The following GAS2 variants were observed in gnomAD, a reference collection of about 807,000 sequenced individuals.
GAS2 encodes the protein growth arrest specific 2, also known as growth arrest-specific protein 2.
A neutral mutation model predicts 37.5 loss-of-function variants in GAS2; 20 were observed. That is an observed-to-expected ratio of 0.53 (90% CI 0.37 to 0.77). The LOEUF (loss-of-function observed/expected upper bound fraction) is 0.77. Among genes scored for constraint, GAS2 ranks in the 30% least tolerant of loss-of-function variants. The pLI, the probability that GAS2 is intolerant of heterozygous loss-of-function variation, is 0.00. For missense variants in GAS2, 336 were observed against 373.4 expected (o/e 0.90, Z 0.82); for synonymous variants, 144 against 132.2 (o/e 1.09, Z -0.61).
chr11:22,662,507 T>C (rs1274339367), upstream of GAS2, among the ~76,000 whole-genome samples: 1 of 152,186 alleles, frequency 6.6e-6, no homozygotes, highest in Non-Finnish European at 1.5e-5. Context: ...GCCAGAGATG[T>C]AGTGGTGGAA....
At chr11:22,650,145 A>G (rs1469248896) in intron 1 of GAS2, among the ~76,000 whole-genome samples, 2 of 151,784 alleles carry the variant, frequency 1.3e-5, no homozygotes, top group Non-Finnish European at 2.9e-5. Flanking sequence ...TTCAAAGAAC[A>G]TCTTTATTTC....
intron 7 of GAS2, among the ~76,000 whole-genome samples, chr11:22,764,909 A>G (rs1359663577): frequency 6.6e-6 from 1 of 152,234 alleles, no homozygotes; most frequent in Non-Finnish European, 1.5e-5. Context: ...AGCAAGGTTT[A>G]CCATGGCTTT....
intron 3 of GAS2, among the ~76,000 whole-genome samples, chr11:22,711,967 C>A (rs945878536): frequency 5.3e-5 from 8 of 152,118 alleles, no homozygotes; most frequent in Non-Finnish European, 1.0e-4. Flanking sequence ...AGCTGTGTGA[C>A]CCTGTCCATC....
At chr11:22,720,942 TG>T (rs1243011748) in intron 3 of GAS2, among the ~76,000 whole-genome samples, 1 of 152,032 alleles carries the variant, frequency 6.6e-6, no homozygotes, top group Non-Finnish European at 1.5e-5. Flanking sequence ...GACAAACATT[TG>T]GGAAATAAAT....
At chr11:22,654,922 A>G (rs1017753454) in intron 1 of GAS2, among the ~76,000 whole-genome samples, 46 of 152,212 alleles carry the variant, frequency 3.0e-4, no homozygotes, top group African/African-American at 9.6e-4. Context: ...TTTTCATCAA[A>G]GAAAAAAATA....
Position 22,811,955 on chromosome 11 carries a change from T to G in GAS2, c.881T>G (p.Met294Arg). 6.2e-7 allele frequency: 1 copy of G among 1,614,126 alleles called. No homozygotes were observed. The highest frequency in any genetic ancestry group is 8.5e-7 in the Non-Finnish European group (1 of 1,180,012). ...AGCAAATCTCCAACTCTAAAGGACATGAATCCAGATAACTACTTGGTGGTC... is the reference window on the plus strand; with the variant it reads ...AGCAAATCTCCAACTCTAAAGGACAGGAATCCAGATAACTACTTGGTGGTC... ...IQSKSPTLKD[M>R]NPDNYLVVSA... The change falls in exon 8 of 8, where the codon ATG becomes AGG. Residue 294 changes from methionine to arginine, a missense_variant. Met to Arg is a moderately conservative substitution (Grantham distance 91). Coordinates refer to ENST00000454584, the MANE Select transcript of GAS2 (RefSeq NM_001143830.3).
intron 1 of GAS2, among the ~76,000 whole-genome samples, chr11:22,628,611 G>A (rs570842599): frequency 7.2e-5 from 11 of 152,094 alleles, no homozygotes; most frequent in Non-Finnish European, 1.0e-4. Flanking sequence ...CTTTCTTGTC[G>A]TCTTTTCATT....
chr11:22,788,313 A>C (rs1264677636), intron 7 of GAS2, among the ~76,000 whole-genome samples: 1 of 152,230 alleles, frequency 6.6e-6, no homozygotes, highest in Non-Finnish European at 1.5e-5. Flanking sequence ...GTATGATTTG[A>C]CTTCTTCATA....
intron 3 of GAS2, among the ~76,000 whole-genome samples, chr11:22,689,544 G>A (rs91295): frequency 0.38 from 58,264 of 152,020 alleles, 11,755 homozygotes; most frequent in African/African-American, 0.52. Context: ...AAAGGCCAGA[G>A]GGTTAGTATG....
intron 7 of GAS2, among the ~76,000 whole-genome samples, chr11:22,769,239 T>G (rs1377001227): frequency 6.6e-6 from 1 of 152,112 alleles, no homozygotes; most frequent in Non-Finnish European, 1.5e-5. Context: ...ACCTTATACC[T>G]CCTACTATTC....
At chr11:22,741,550 C>A (rs1853082687) in intron 5 of GAS2, among the ~76,000 whole-genome samples, 1 of 151,538 alleles carries the variant, frequency 6.6e-6, no homozygotes, top group South Asian at 2.1e-4. Flanking sequence ...TTTAGTATTT[C>A]TTTGATTTGG....
intron 3 of GAS2, among the ~76,000 whole-genome samples, chr11:22,708,717 G>A (rs1404858817): frequency 6.6e-6 from 1 of 152,148 alleles, no homozygotes; most frequent in Non-Finnish European, 1.5e-5. Context: ...CTAGGAATAA[G>A]GTGGTGAACA....
intron 3 of GAS2, among the ~76,000 whole-genome samples, chr11:22,695,622 C>G (rs963919302): frequency 6.6e-6 from 1 of 152,110 alleles, no homozygotes; most frequent in Non-Finnish European, 1.5e-5. Context: ...AGGACAGGAG[C>G]CAATAGCAAA....
chr11:22,761,277 G>T (rs577559148), intron 7 of GAS2, among the ~76,000 whole-genome samples: 22 of 152,128 alleles, frequency 1.4e-4, no homozygotes, highest in African/African-American at 5.3e-4. Context: ...TTAGTGAGAG[G>T]AAAATAACCT....
intron 3 of GAS2, among the ~76,000 whole-genome samples, chr11:22,709,249 A>G (rs528906314): frequency 9.9e-5 from 15 of 151,874 alleles, no homozygotes; most frequent in Non-Finnish European, 1.6e-4. Flanking sequence ...TTAAATCACC[A>G]TAGAAAGGTA....
intron 3 of GAS2, among the ~76,000 whole-genome samples, chr11:22,687,572 A>G (rs915740185): frequency 6.6e-6 from 1 of 152,220 alleles, no homozygotes; most frequent in Non-Finnish European, 1.5e-5. Context: ...TGACACAGAC[A>G]ACTTTGCAAG....
chr11:22,644,761 A>G (rs1288891309), intron 1 of GAS2, among the ~76,000 whole-genome samples: 4 of 152,118 alleles, frequency 2.6e-5, no homozygotes, highest in Admixed American at 6.5e-5. Context: ...ATCTGGGACT[A>G]TAGGCATGCA....
intron 3 of GAS2, among the ~76,000 whole-genome samples, chr11:22,716,735 T>C (rs1287960476): frequency 1.3e-5 from 2 of 151,938 alleles, no homozygotes; most frequent in East Asian, 1.9e-4. Context: ...TATGATGATA[T>C]ACCTAGAAAA....
At position 22,812,171 on chromosome 11, in the gene GAS2, AT is replaced by A; in HGVS notation, c.*160del. ...AAATGTTCAAAGAGTAGCACTATTT[AT>A]TTTTAATGCTTCTGTAGAATATGAC... On this transcript the variant is annotated 3_prime_UTR_variant, in exon 8 of 8. Transcript: ENST00000454584. 1 of 606,382 alleles carries A rather than the reference AT, an allele frequency of 1.6e-6. No homozygotes were observed. The highest frequency in any genetic ancestry group is 2.9e-6 in the Non-Finnish European group (1 of 346,020). The allele number at this position is 606,382 out of a possible 1,614,324, so 37.6% of individuals were successfully genotyped here. A position where few individuals can be genotyped will look rare whatever the true frequency, so the allele number is the denominator to read the frequency against.
Sources: allele counts gnomAD v4.1 joint callset (sites outside exome capture counted in the v4.1 genomes callset), GRCh38; gene constraint gnomAD v4.1.1; transcripts MANE v1.5; gene names NCBI Gene and HGNC (gene_info 2026-07-23, HGNC 2026-07-21).